The following CSNK2A2IP variants were observed in gnomAD, a reference collection of about 807,000 sequenced individuals.
CSNK2A2IP encodes casein kinase II subunit alpha'-interacting protein.
At chr3:88,339,810 G>A in the CSNK2A2IP span, among the ~76,000 whole-genome samples, 1 of 152,058 alleles carries the variant, frequency 6.6e-6, no homozygotes, top group Admixed American at 6.6e-5. Flanking sequence ...GTTAACCAGA[G>A]CAGCAATTAT....
At chr3:88,378,846 A>G in the CSNK2A2IP span, among the ~76,000 whole-genome samples, 1 of 152,038 alleles carries the variant, frequency 6.6e-6, no homozygotes, top group Non-Finnish European at 1.5e-5. Flanking sequence ...GTGTTATGTA[A>G]CTGAATGAAT....
the CSNK2A2IP span, among the ~76,000 whole-genome samples, chr3:88,450,674 CT>C: frequency 6.6e-6 from 1 of 151,958 alleles, no homozygotes; most frequent in African/African-American, 2.4e-5. Context: ...AGTACAGTTT[CT>C]TTTTTTGTTT....
the CSNK2A2IP span, among the ~76,000 whole-genome samples, chr3:88,369,859 T>C: frequency 6.6e-6 from 1 of 151,914 alleles, no homozygotes; most frequent in Admixed American, 6.6e-5. Flanking sequence ...GGAAGTTTAC[T>C]AGGGGGACCT....
the CSNK2A2IP span, among the ~76,000 whole-genome samples, chr3:88,350,911 T>G: frequency 2.0e-5 from 3 of 152,132 alleles, no homozygotes; most frequent in Admixed American, 2.0e-4. Flanking sequence ...CCAGTAGACA[T>G]GCACACTCAC....
chr3:88,431,692 G>T, the CSNK2A2IP span, among the ~76,000 whole-genome samples: 2 of 152,104 alleles, frequency 1.3e-5, no homozygotes, highest in Admixed American at 6.5e-5. Flanking sequence ...AAATTACATG[G>T]ATAAGAATCT....
chr3:88,436,833 T>C, the CSNK2A2IP span, among the ~76,000 whole-genome samples: 85 of 152,264 alleles, frequency 5.6e-4, no homozygotes, highest in Non-Finnish European at 9.4e-4. Context: ...ATTCATACTG[T>C]TGCTAAACTG....
At chr3:88,415,313 A>T in the CSNK2A2IP span, among the ~76,000 whole-genome samples, 4 of 152,060 alleles carry the variant, frequency 2.6e-5, 1 homozygote, top group Non-Finnish European at 4.4e-5. Context: ...AATGAAGATA[A>T]ATTCAAGGCA....
At chr3:88,384,971 T>C in the CSNK2A2IP span, among the ~76,000 whole-genome samples, 2 of 152,100 alleles carry the variant, frequency 1.3e-5, no homozygotes, top group African/African-American at 4.8e-5. Context: ...AGATGACATA[T>C]GTTGGAGGAA....
At chr3:88,397,296 T>C in the CSNK2A2IP span, among the ~76,000 whole-genome samples, 2 of 152,214 alleles carry the variant, frequency 1.3e-5, no homozygotes, top group Non-Finnish European at 2.9e-5. Flanking sequence ...TCTTGTCTTT[T>C]CCTCCTGAAG....
the CSNK2A2IP span, among the ~76,000 whole-genome samples, chr3:88,347,954 A>G: frequency 3.3e-5 from 5 of 151,768 alleles, no homozygotes; most frequent in South Asian, 2.1e-4. Context: ...TTATCTCTCT[A>G]TGGGCTAAGA....
At chr3:88,342,928 T>A in the CSNK2A2IP span, among the ~76,000 whole-genome samples, 2 of 152,016 alleles carry the variant, frequency 1.3e-5, no homozygotes, top group South Asian at 4.1e-4. Flanking sequence ...CTATTTGGCT[T>A]GTATTACTGA....
At chr3:88,461,531 C>T in the CSNK2A2IP span, among the ~76,000 whole-genome samples, 3 of 151,902 alleles carry the variant, frequency 2.0e-5, no homozygotes, top group Admixed American at 6.6e-5. Context: ...CCAGCCTGGG[C>T]GACAGAGCGA....
the CSNK2A2IP span, among the ~76,000 whole-genome samples, chr3:88,368,262 A>G: frequency 6.6e-6 from 1 of 151,990 alleles, no homozygotes; most frequent in Non-Finnish European, 1.5e-5. Context: ...AAGACAGAGC[A>G]TTTGCCTTCA....
the CSNK2A2IP span, among the ~76,000 whole-genome samples, chr3:88,461,865 T>C: frequency 1.3e-5 from 2 of 151,950 alleles, no homozygotes; most frequent in African/African-American, 4.8e-5. Flanking sequence ...CCCTGGGCTC[T>C]GAGTAGCTGA....
chr3:88,392,298 G>T, the CSNK2A2IP span, among the ~76,000 whole-genome samples: 2 of 152,180 alleles, frequency 1.3e-5, no homozygotes, highest in Admixed American at 1.3e-4. Flanking sequence ...ATTCAGGAGA[G>T]AATTCAGGAG....
At chr3:88,431,320 T>G in the CSNK2A2IP span, 1 of 152,194 alleles carries the variant, frequency 6.6e-6, no homozygotes, top group African/African-American at 2.4e-5. Flanking sequence ...GAAAAGAATA[T>G]TGGAGACTAT....
the CSNK2A2IP span, chr3:88,466,485 C>A: frequency 1.6e-6 from 2 of 1,231,944 alleles, no homozygotes; most frequent in Non-Finnish European, 2.0e-6. Context: ...TATCAAGCTC[C>A]AAACACTGCA....
chr3:88,360,802 T>A, the CSNK2A2IP span, among the ~76,000 whole-genome samples: 1 of 143,924 alleles, frequency 6.9e-6, no homozygotes, highest in South Asian at 2.5e-4. Flanking sequence ...TCTCTGGCAG[T>A]ATGTTTTAAT....
At chr3:88,381,622 C>A in the CSNK2A2IP span, among the ~76,000 whole-genome samples, 2,844 of 152,212 alleles carry the variant, frequency 0.019, 80 homozygotes, top group African/African-American at 0.063. Flanking sequence ...GAGGGTGTAT[C>A]TTCAGACTCC....
Sources: gnomAD v4.1 joint callset for allele counts (sites outside exome capture counted in the v4.1 genomes callset) on GRCh38, gnomAD v4.1.1 for gene constraint, MANE v1.5 for transcripts, NCBI Gene and HGNC (gene_info 2026-07-23, HGNC 2026-07-21) for gene names.